Variants in NRCAM observed in about 807,000 individuals in gnomAD.
NRCAM encodes NgCAM-related cell adhesion molecule.
A neutral mutation model predicts 156.5 loss-of-function variants in NRCAM; 83 were observed. That is an observed-to-expected ratio of 0.53 (90% CI 0.44 to 0.64). The LOEUF (loss-of-function observed/expected upper bound fraction) is 0.64, where lower values mean the gene tolerates loss of function less well. NRCAM is among the 30% of genes least tolerant of loss of function. The pLI, the probability that NRCAM is intolerant of heterozygous loss-of-function variation, is 0.00. For missense variants in NRCAM, 1,417 were observed against 1,597.3 expected (o/e 0.89, Z 1.92); for synonymous variants, 538 against 563.9 (o/e 0.95, Z 0.65).
intron 30 of NRCAM, among the ~76,000 whole-genome samples, chr7:108,162,507 C>T (rs1246187387): frequency 1.3e-5 from 2 of 152,132 alleles, no homozygotes; most frequent in African/African-American, 4.8e-5. Context: ...CATTTTTCAT[C>T]TAATTAAATG....
At chr7:108,381,470 T>A (rs1303433784) in intron 2 of NRCAM, among the ~76,000 whole-genome samples, 1 of 152,046 alleles carries the variant, frequency 6.6e-6, no homozygotes, top group Non-Finnish European at 1.5e-5. Context: ...CAAGGGCAAA[T>A]AGCGTTTCAA....
chr7:108,441,060 C>A (rs191587244), intron 1 of NRCAM, among the ~76,000 whole-genome samples: 1 of 152,180 alleles, frequency 6.6e-6, no homozygotes, highest in African/African-American at 2.4e-5. Context: ...GTTCTTAAGC[C>A]CAAACTTAAC....
chr7:108,446,892 T>C (rs1428275681), intron 1 of NRCAM, among the ~76,000 whole-genome samples: 1 of 151,806 alleles, frequency 6.6e-6, no homozygotes, highest in Admixed American at 6.6e-5. Context: ...CACACCTGGC[T>C]CATTTTTGCA....
At chr7:108,423,943 A>C (rs1813627983) in intron 1 of NRCAM, among the ~76,000 whole-genome samples, 1 of 152,204 alleles carries the variant, frequency 6.6e-6, no homozygotes, top group Non-Finnish European at 1.5e-5. Context: ...GAACATAGGG[A>C]CAAATCCCAC....
intron 11 of NRCAM, 42 bp from the exon 12 acceptor site, chr7:108,209,647 C>T: frequency 7.2e-7 from 1 of 1,384,908 alleles, no homozygotes; most frequent in South Asian, 1.4e-5. Context: ...AAAAGGAATC[C>T]ACCTATGACT....
At chr7:108,392,709 T>A (rs1433826773) in intron 2 of NRCAM, among the ~76,000 whole-genome samples, 2 of 152,230 alleles carry the variant, frequency 1.3e-5, no homozygotes, top group African/African-American at 4.8e-5. Flanking sequence ...TTTATCTACC[T>A]TTGGTCTTTG....
chr7:108,398,505 C>A (rs2154389913), intron 2 of NRCAM, among the ~76,000 whole-genome samples: 1 of 152,306 alleles, frequency 6.6e-6, no homozygotes, highest in South Asian at 2.1e-4. Context: ...CAGCTGATAA[C>A]ACCTCAGTGC....
intron 1 of NRCAM, among the ~76,000 whole-genome samples, chr7:108,418,595 A>ACG (rs1804868253): frequency 7.0e-6 from 1 of 142,480 alleles, no homozygotes; most frequent in East Asian, 2.0e-4. Flanking sequence ...ACACACACAC[A>ACG]CACACGCACT....
chr7:108,242,986 C>T (rs1589706088), intron 3 of NRCAM: 1 of 152,162 alleles, frequency 6.6e-6, no homozygotes, highest in East Asian at 1.9e-4. Flanking sequence ...TATTACACAT[C>T]AAATCACAGT....
chr7:108,217,288 G>A (rs2089722016), intron 11 of NRCAM, among the ~76,000 whole-genome samples: 1 of 152,176 alleles, frequency 6.6e-6, no homozygotes, highest in East Asian at 1.9e-4. Flanking sequence ...TCCCTCCTCT[G>A]GATGCTTCAT....
chr7:108,274,986 T>C (rs1224658264), intron 3 of NRCAM, among the ~76,000 whole-genome samples: 2 of 152,222 alleles, frequency 1.3e-5, no homozygotes, highest in Non-Finnish European at 2.9e-5. Flanking sequence ...TCTGTATCTA[T>C]TGAGATAATC....
chr7:108,269,563 AAGAAGGTAGCG>A (rs2097261957), intron 3 of NRCAM, among the ~76,000 whole-genome samples: 1 of 152,148 alleles, frequency 6.6e-6, no homozygotes, highest in African/African-American at 2.4e-5. Context: ...CAGGTGTCAT[AAGAAGGTAGCG>A]ACATGTTCCC....
chr7:108,248,895 T>G (rs1260049002), intron 3 of NRCAM, among the ~76,000 whole-genome samples: 1 of 152,038 alleles, frequency 6.6e-6, no homozygotes, highest in Non-Finnish European at 1.5e-5. Context: ...CTGGAAAGAG[T>G]TTCAGAAGTG....
At chr7:108,415,726 C>G (rs1460478979) in intron 1 of NRCAM, among the ~76,000 whole-genome samples, 3 of 151,958 alleles carry the variant, frequency 2.0e-5, no homozygotes, top group Non-Finnish European at 4.4e-5. Context: ...ACTAAAAATA[C>G]AAAAAATTAG....
chr7:108,374,334 C>T (rs2099653689), intron 2 of NRCAM, among the ~76,000 whole-genome samples: 1 of 152,080 alleles, frequency 6.6e-6, no homozygotes, highest in Non-Finnish European at 1.5e-5. Flanking sequence ...AGTGTGTACA[C>T]TCAAAATGTG....
At chr7:108,453,976 A>G (rs903957097) in intron 1 of NRCAM, among the ~76,000 whole-genome samples, 1 of 152,184 alleles carries the variant, frequency 6.6e-6, no homozygotes, top group African/African-American at 2.4e-5. Context: ...TGTACAAAGG[A>G]CATTCAGGGC....
intron 2 of NRCAM, among the ~76,000 whole-genome samples, chr7:108,373,647 G>A (rs368525910): frequency 6.6e-6 from 1 of 152,146 alleles, no homozygotes; most frequent in Admixed American, 6.5e-5. Context: ...GGAAGGCAAG[G>A]GGACCACTGA....
intron 14 of NRCAM, among the ~76,000 whole-genome samples, chr7:108,197,719 A>G (rs968475276): frequency 6.6e-6 from 1 of 152,324 alleles, no homozygotes; most frequent in Middle Eastern, 3.4e-3. Flanking sequence ...CTGTAAGTAG[A>G]ACAGCTTATT....
intron 2 of NRCAM, among the ~76,000 whole-genome samples, chr7:108,346,961 TTC>T (rs767015561): frequency 3.2e-4 from 49 of 152,276 alleles, no homozygotes; most frequent in Non-Finnish European, 6.2e-4. Flanking sequence ...TTTCACCTAT[TTC>T]TTTTTACTGT....
Sources: allele counts gnomAD v4.1 joint callset (sites outside exome capture counted in the v4.1 genomes callset), GRCh38; gene constraint gnomAD v4.1.1; transcripts MANE v1.5; gene names NCBI Gene and HGNC (gene_info 2026-07-23, HGNC 2026-07-21).